TCEANC2: variants seen among roughly 807,000 people sequenced by gnomAD.
The protein encoded by TCEANC2 is transcription elongation factor A N-terminal and central domain-containing protein 2.
A neutral mutation model predicts 22.8 loss-of-function variants in TCEANC2; 20 were observed. That is an observed-to-expected ratio of 0.88 (90% CI 0.62 to 1.28). The LOEUF is 1.28. TCEANC2 is among the 50% of genes most tolerant of loss of function. The pLI is 0.00. For missense variants in TCEANC2, 251 were observed against 249.7 expected (o/e 1.01, Z -0.03); for synonymous variants, 84 against 95.5 (o/e 0.88, Z 0.70).
At chr1:54,093,733 CTT>C (rs34379281) in intron 4 of TCEANC2, among the ~76,000 whole-genome samples, 12,907 of 140,690 alleles carry the variant, frequency 0.092, 1,312 homozygotes, top group African/African-American at 0.26. Context: ...TCTCAGAGTA[CTT>C]TTTTTTTTTT....
At chr1:54,077,077 G>C (rs1284465592) in intron 3 of TCEANC2, among the ~76,000 whole-genome samples, 1 of 152,134 alleles carries the variant, frequency 6.6e-6, no homozygotes, top group Non-Finnish European at 1.5e-5. Context: ...TTGGAGGACT[G>C]AGAGAATGGA....
intron 2 of TCEANC2, among the ~76,000 whole-genome samples, chr1:54,055,416 T>A (rs572793877): frequency 3.9e-5 from 6 of 152,340 alleles, no homozygotes; most frequent in Admixed American, 3.9e-4. Context: ...CAAAACAACT[T>A]GTACTTAGTC....
At chr1:54,069,513 C>T (rs2100363227) in intron 3 of TCEANC2, among the ~76,000 whole-genome samples, 1 of 150,900 alleles carries the variant, frequency 6.6e-6, no homozygotes, top group South Asian at 2.1e-4. Context: ...GAGGCTGAGG[C>T]ATGAGAATTG....
intron 4 of TCEANC2, among the ~76,000 whole-genome samples, chr1:54,090,852 T>C (rs1484713603): frequency 6.6e-6 from 1 of 152,202 alleles, no homozygotes; most frequent in Non-Finnish European, 1.5e-5. Context: ...TTTCCTGTGG[T>C]ATCTTTTTAA....
At chr1:54,071,939 G>A (rs1168152390) in intron 3 of TCEANC2, among the ~76,000 whole-genome samples, 2 of 151,868 alleles carry the variant, frequency 1.3e-5, no homozygotes, top group Non-Finnish European at 2.9e-5. Flanking sequence ...AGCCCCCCAA[G>A]TAGGTAGGAC....
At position 54,103,875 on chromosome 1, in the gene TCEANC2, T is replaced by C. The variant is rs1407275190; in HGVS notation, c.*7402T>C. The stretch of plus-strand genomic sequence containing the variant: ...CACAACTCTCAAAGGGCTTATAGAA[T>C]GTTTAATCTACTGGGATAGATTATG... On this transcript the variant is annotated 3_prime_UTR_variant, in exon 5 of 5. Coordinates refer to ENST00000234827, the MANE Select transcript of TCEANC2 (RefSeq NM_153035.3). 2 of 152,198 alleles carry C rather than the reference T, an allele frequency of 1.3e-5. No homozygotes were observed. Among genetic ancestry groups the C allele is most frequent in the African/African-American group, 4.8e-5 (2 of 41,436 alleles). 9.4% of individuals were successfully genotyped at this position (152,198 alleles called of 1,614,324 possible). A position where few individuals can be genotyped will look rare whatever the true frequency, so the allele number is the denominator to read the frequency against.
chr1:54,059,883 G>A (rs1003148415), intron 2 of TCEANC2, among the ~76,000 whole-genome samples: 1 of 152,228 alleles, frequency 6.6e-6, no homozygotes, highest in Admixed American at 6.5e-5. Context: ...CCAGCACAAT[G>A]CTAAGTACTA....
intron 3 of TCEANC2, among the ~76,000 whole-genome samples, chr1:54,077,279 G>A (rs530252226): frequency 6.6e-6 from 1 of 152,182 alleles, no homozygotes; most frequent in Admixed American, 6.5e-5. Flanking sequence ...AATTGTCTTT[G>A]CCACCTTTTC....
Position 54,096,313 on chromosome 1 carries a change from A to G in TCEANC2, c.467A>G (p.Glu156Gly), listed in dbSNP as rs775713693. Residue 156 changes from glutamate to glycine, a missense_variant, in exon 5 of 5, where the codon GAA becomes GGA. Physicochemically the swap from Glu to Gly is moderately conservative, Grantham distance 98. Transcript: ENST00000234827. The surrounding 1 kb of genome is among the most constrained non-coding windows in gnomAD (Gnocchi z 4.9). ...GATCACCTACTGGTTGAAAATATTG[A>G]ACGGGAAACGTTTCATCTCTGCTCC... The part of the protein sequence containing the change: ...KMDHLLVENI[E>G]RETFHLCSRL... 3 of 1,599,160 alleles carry G rather than the reference A, an allele frequency of 1.9e-6. No homozygotes were observed. Among genetic ancestry groups the G allele is most frequent in the Non-Finnish European group, 2.6e-6 (3 of 1,167,360 alleles).
chr1:54,082,304 T>TTACAGAAACTA (rs1658260447), intron 3 of TCEANC2, among the ~76,000 whole-genome samples: 1 of 152,242 alleles, frequency 6.6e-6, no homozygotes, highest in African/African-American at 2.4e-5. Flanking sequence ...TTTGGATTCA[T>TTACAGAAACTA]TTCTTTACAG....
chr1:54,094,861 G>A (rs1658515477), intron 4 of TCEANC2, among the ~76,000 whole-genome samples: 1 of 152,208 alleles, frequency 6.6e-6, no homozygotes, highest in Non-Finnish European at 1.5e-5. Flanking sequence ...ATCATTGGCT[G>A]GGTGCAGTGG....
chr1:54,104,594 T>G lies in TCEANC2; in HGVS notation c.*8121T>G. 1 of 454,482 alleles carries G rather than the reference T, an allele frequency of 2.2e-6. No individual in the cohort carries two copies. The highest frequency in any genetic ancestry group is 4.4e-6 in the Non-Finnish European group (1 of 225,726). 28.2% of individuals were successfully genotyped at this position (454,482 alleles called of 1,614,324 possible). Reference sequence around the variant, plus strand: ...GGAGTCTCTGTCACCCAGGCTGGAGTGCAGTGGCACCATCTCGGCTCACTG... The same window carrying G: ...GGAGTCTCTGTCACCCAGGCTGGAGGGCAGTGGCACCATCTCGGCTCACTG... On this transcript the variant is annotated 3_prime_UTR_variant, in exon 5 of 5. Coordinates refer to ENST00000234827, the MANE Select transcript of TCEANC2 (RefSeq NM_153035.3).
chr1:54,106,826 G>A (rs963772767), downstream of TCEANC2, among the ~76,000 whole-genome samples: 1 of 152,074 alleles, frequency 6.6e-6, no homozygotes, highest in African/African-American at 2.4e-5. Context: ...GGGGTGAGGG[G>A]TTTTTGGTCA....
chr1:54,073,552 T>C (rs1033170069), intron 3 of TCEANC2, among the ~76,000 whole-genome samples: 4 of 152,186 alleles, frequency 2.6e-5, no homozygotes, highest in African/African-American at 7.2e-5. Flanking sequence ...TTGTTGGGGT[T>C]AGGTGGCTTT....
exon 5 of TCEANC2, chr1:54,111,491 TCC>T (rs1318600752): frequency 6.6e-6 from 1 of 152,182 alleles, no homozygotes; most frequent in Non-Finnish European, 1.5e-5. Context: ...GAGTGGCCAG[TCC>T]CCTCTCCACA....
chr1:54,084,624 G>C (rs1658303726), intron 3 of TCEANC2, among the ~76,000 whole-genome samples: 1 of 152,070 alleles, frequency 6.6e-6, no homozygotes, highest in African/African-American at 2.4e-5. Context: ...TACTTTGGGA[G>C]GCCAAAGCGG....
rs6699607 is a variant in TCEANC2 at position 54,089,491 on chromosome 1, C to T, written c.438+701C>T. ...ACATGCTGGAAGAAGGATTTTTGCT[C>T]ATTAATAATAATATTCATTGTCATC... On this transcript the variant is annotated intron_variant, in intron 4 of 4. Transcript: ENST00000234827. Among the ~76,000 whole-genome samples the T allele has an allele frequency of 5.5e-3, 832 of 152,196 alleles. 6 individuals are homozygous for T. The highest frequency in any genetic ancestry group is 0.018 in the African/African-American group (745 of 41,522).
chr1:54,060,451 C>T (rs2100354908), intron 2 of TCEANC2, among the ~76,000 whole-genome samples: 1 of 151,436 alleles, frequency 6.6e-6, no homozygotes, highest in Admixed American at 6.6e-5. Flanking sequence ...CGCCTATGGT[C>T]CTAGCCACTA....
chr1:54,105,060 T>G lies in TCEANC2; in HGVS notation c.*8587T>G. 6.4e-6 allele frequency: 1 copy of G among 156,124 alleles called. No homozygotes were observed. The allele number at this position is 156,124 out of a possible 1,614,324, so 9.7% of individuals were successfully genotyped here. A position where few individuals can be genotyped will look rare whatever the true frequency, so the allele number is the denominator to read the frequency against. On this transcript the variant is annotated 3_prime_UTR_variant, in exon 5 of 5. Transcript: ENST00000234827. ...GTATCAGTTGTGGCCTCAAGACCAG[T>G]CAGTGATGGAGGTTGTAGTTTGTCC...
Sources: gnomAD v4.1 joint callset for allele counts (sites outside exome capture counted in the v4.1 genomes callset) on GRCh38, gnomAD v4.1.1 for gene constraint, Gnocchi (gnomAD v3.1) non-coding constraint, MANE v1.5 for transcripts, NCBI Gene and HGNC (gene_info 2026-07-23, HGNC 2026-07-21) for gene names.